GPC3: variants seen among roughly 807,000 people sequenced by gnomAD.
GPC3 encodes the protein glypican 3.
In GPC3, 3 loss-of-function variants were observed where a neutral mutation model predicts 34.4. That is an observed-to-expected ratio of 0.09 (90% confidence interval 0.04 to 0.23). The LOEUF (loss-of-function observed/expected upper bound fraction) is 0.23, where lower values mean the gene tolerates loss of function less well. GPC3 is among the 10% of genes least tolerant of loss of function. The probability of loss-of-function intolerance (pLI) is 1.00; values close to 1 mark genes in which losing one functional copy is unlikely to be tolerated. For synonymous variants in GPC3, 177 were observed against 174.0 expected (o/e 1.02, Z -0.13); for missense variants, 351 against 445.6 (o/e 0.79, Z 1.91).
At chrX:133,548,057 T>TAA (rs373777937) in intron 7 of GPC3, among the ~76,000 whole-genome samples, 1 of 110,299 alleles carries the variant, frequency 9.1e-6, no homozygotes, top group Non-Finnish European at 1.9e-5. Flanking sequence ...CTGAAACTGT[T>TAA]AAAAAAAAAG....
Position 133,765,854 on chromosome X carries a change from A to G in GPC3, c.338-11678T>C, listed in dbSNP as rs181941349. On this transcript the variant is annotated intron_variant, in intron 2 of 7. Coordinates refer to ENST00000370818, the MANE Select transcript of GPC3 (RefSeq NM_004484.4). ...AAGGTGCATTCCAGCCCTCCTTTCC[A>G]TCATTAATGAGAAGTATCATATCTG... Among the ~76,000 whole-genome samples the G allele has an allele frequency of 5.6e-3, 629 of 112,001 alleles. 7 individuals carry two copies. The highest frequency in any genetic ancestry group is 0.019 in the African/African-American group (591 of 30,855).
intron 1 of GPC3, among the ~76,000 whole-genome samples, chrX:133,961,219 C>A (rs2076439972): frequency 9.0e-6 from 1 of 111,171 alleles, no homozygotes; most frequent in Non-Finnish European, 1.9e-5. Flanking sequence ...AGAGGGCGCA[C>A]CTGGGTATCA....
intron 3 of GPC3, among the ~76,000 whole-genome samples, chrX:133,740,808 A>T (rs2071557114): frequency 9.0e-6 from 1 of 111,560 alleles, no homozygotes; most frequent in African/African-American, 3.3e-5. Context: ...TACTTTTTAA[A>T]ATACTTTTTT....
At chrX:133,867,177 G>A (rs1462895987) in intron 2 of GPC3, among the ~76,000 whole-genome samples, 1 of 108,952 alleles carries the variant, frequency 9.2e-6, no homozygotes, top group Non-Finnish European at 1.9e-5. Context: ...CAGCCTGGGT[G>A]ACAGAGCCAG....
chrX:133,762,982 C>T (rs1000065866), intron 2 of GPC3: 24 of 691,514 alleles, frequency 3.5e-5, no homozygotes, highest in African/African-American at 1.7e-4. Flanking sequence ...GCTGGCAGCT[C>T]GTACCATTGT....
At chrX:133,695,188 T>C (rs771816319) in intron 4 of GPC3, among the ~76,000 whole-genome samples, 12 of 111,167 alleles carry the variant, frequency 1.1e-4, no homozygotes, top group Non-Finnish European at 2.1e-4. Context: ...TATGAATCCA[T>C]CGGATCTTGT....
intron 1 of GPC3, among the ~76,000 whole-genome samples, chrX:133,953,531 G>A (rs2076402884): frequency 9.0e-6 from 1 of 111,494 alleles, no homozygotes; most frequent in African/African-American, 3.3e-5. Flanking sequence ...TATTTAGTTT[G>A]TCTTTTAAAA....
At chrX:133,830,997 A>T (rs1397505444) in intron 2 of GPC3, among the ~76,000 whole-genome samples, 1 of 111,555 alleles carries the variant, frequency 9.0e-6, no homozygotes, top group Non-Finnish European at 1.9e-5. Flanking sequence ...GTGAAAAAAA[A>T]AGCCAATCTC....
intron 2 of GPC3, among the ~76,000 whole-genome samples, chrX:133,885,633 T>C (rs1204167098): frequency 2.7e-5 from 3 of 111,736 alleles, no homozygotes; most frequent in African/African-American, 6.5e-5. Context: ...AGGCCTTATA[T>C]TTGAAGAGGC....
At chrX:133,752,199 A>G (rs774602293) in intron 3 of GPC3, among the ~76,000 whole-genome samples, 34 of 111,525 alleles carry the variant, frequency 3.0e-4, no homozygotes, top group African/African-American at 1.1e-3. Context: ...GAAAAGAAGA[A>G]TTTGAATGTT....
At chrX:133,541,609 G>A (rs771126481) in intron 7 of GPC3, among the ~76,000 whole-genome samples, 7 of 111,975 alleles carry the variant, frequency 6.3e-5, no homozygotes, top group South Asian at 7.5e-4. Flanking sequence ...CTCTCATTTC[G>A]CCTTCATGTC....
intron 2 of GPC3, among the ~76,000 whole-genome samples, chrX:133,875,276 C>T (rs1319291953): frequency 9.0e-6 from 1 of 111,152 alleles, no homozygotes; most frequent in East Asian, 2.8e-4. Flanking sequence ...AATTGGACAC[C>T]CTGAAGGGTT....
intron 2 of GPC3, among the ~76,000 whole-genome samples, chrX:133,891,349 A>T (rs2076086257): frequency 9.0e-6 from 1 of 111,674 alleles, no homozygotes; most frequent in Non-Finnish European, 1.9e-5. Context: ...TGATAAAAAT[A>T]TCCCAAAACT....
intron 6 of GPC3, among the ~76,000 whole-genome samples, chrX:133,648,267 T>A (rs2070563713): frequency 9.0e-6 from 1 of 110,589 alleles, no homozygotes; most frequent in East Asian, 2.9e-4. Flanking sequence ...TGAGGTTTTT[T>A]TTTTTTTTTT....
intron 7 of GPC3, among the ~76,000 whole-genome samples, chrX:133,584,130 G>A (rs1243688916): frequency 8.0e-5 from 9 of 112,359 alleles, no homozygotes; most frequent in Admixed American, 6.6e-4. Context: ...GATACTTTGA[G>A]GAAGCTAGTT....
At chrX:133,810,676 C>T (rs141168208) in intron 2 of GPC3, among the ~76,000 whole-genome samples, 1,531 of 108,707 alleles carry the variant, frequency 0.014, 27 homozygotes, top group African/African-American at 0.048. Context: ...GAGGCCGAGG[C>T]GGGTGGATCA....
chrX:133,856,935 C>A (rs1045128907), intron 2 of GPC3, among the ~76,000 whole-genome samples: 1 of 111,932 alleles, frequency 8.9e-6, no homozygotes, highest in Non-Finnish European at 1.9e-5. Flanking sequence ...ATAATTACTG[C>A]GTGCTTCTAA....
At position 133,944,100 on chromosome X, in the gene GPC3, A is replaced by G. The variant is rs191778097; in HGVS notation, c.337+8950T>C. On this transcript the variant is annotated intron_variant, in intron 2 of 7. Transcript: ENST00000370818. Reference sequence around the variant, plus strand: ...TGAGAGTGTATGTATATATATATATATGTGTGTGTGTTCATTCAAACATTT... The same window carrying G: ...TGAGAGTGTATGTATATATATATATGTGTGTGTGTGTTCATTCAAACATTT... Among the ~76,000 whole-genome samples the G allele has an allele frequency of 9.4e-4, 103 of 109,194 alleles. 1 individual carries two copies. Among genetic ancestry groups the G allele is most frequent in the East Asian group, 1.4e-3 (5 of 3,502 alleles). The allele number at this position is 109,194 out of a possible 115,157, so 94.8% of individuals were successfully genotyped here. A position where few individuals can be genotyped will look rare whatever the true frequency, so the allele number is the denominator to read the frequency against.
At chrX:133,741,703 G>C (rs1196210814) in intron 3 of GPC3, among the ~76,000 whole-genome samples, 1 of 112,854 alleles carries the variant, frequency 8.9e-6, no homozygotes, top group Non-Finnish European at 1.9e-5. Flanking sequence ...CGTCTCATTA[G>C]TATTGTAAAC....
Sources: gnomAD v4.1 joint callset for allele counts (sites outside exome capture counted in the v4.1 genomes callset) on GRCh38, gnomAD v4.1.1 for gene constraint, MANE v1.5 for transcripts, NCBI Gene and HGNC (gene_info 2026-07-23, HGNC 2026-07-21) for gene names.